Variants in TNRC6A observed in about 807,000 individuals in gnomAD.
TNRC6A encodes trinucleotide repeat containing adaptor 6A, also known as trinucleotide repeat-containing gene 6A protein.
Under a neutral mutation model 221.2 loss-of-function variants are expected in TNRC6A, and 44 were observed. The ratio of observed to expected loss-of-function variants is 0.20; its 90% CI spans 0.16 to 0.26. The LOEUF is 0.26. TNRC6A is among the 10% of genes least tolerant of loss of function. The pLI is 1.00. For synonymous variants in TNRC6A, 847 were observed against 838.5 expected (o/e 1.01, Z -0.18); for missense variants, 2,199 against 2,404.4 (o/e 0.91, Z 1.79).
chr16:24,715,543 G>A (rs2056295933), intron 2 of TNRC6A, among the ~76,000 whole-genome samples: 1 of 151,438 alleles, frequency 6.6e-6, no homozygotes, highest in South Asian at 2.1e-4. Context: ...AGCTCTCTGT[G>A]AGTCCCAGAT....
intron 4 of TNRC6A, among the ~76,000 whole-genome samples, chr16:24,769,521 T>C (rs181944578): frequency 2.0e-5 from 3 of 152,124 alleles, no homozygotes; most frequent in African/African-American, 7.2e-5. Flanking sequence ...ATATCTATGT[T>C]TTATCCTAGC....
intron 4 of TNRC6A, among the ~76,000 whole-genome samples, chr16:24,765,223 G>A (rs1176658747): frequency 2.6e-5 from 4 of 152,042 alleles, no homozygotes; most frequent in Admixed American, 2.0e-4. Context: ...GCTTCATAGG[G>A]GTTACTGTAC....
chr16:24,820,228 C>G lies in TNRC6A; in HGVS notation c.5170C>G (p.Pro1724Ala), dbSNP rs1345260914. The G allele has an allele frequency of 6.2e-7, 1 of 1,614,178 alleles. No individual in the cohort carries two copies. Among genetic ancestry groups the G allele is most frequent in the Non-Finnish European group, 8.5e-7 (1 of 1,180,042 alleles). The change falls in exon 22 of 25, where the codon CCT becomes GCT. Residue 1724 changes from proline to alanine, a missense_variant. Pro to Ala is a conservative substitution (Grantham distance 27). This residue lies in a region of TNRC6A where 449 missense variants were observed against 579.7 expected (regional missense o/e 0.77). Transcript: ENST00000395799. ...TGAGCTGTGGAAGGTCCCTTTGCCA[C>G]CTAAAAACATCACTGCTCCGTCCCG... ...AHELWKVPLP[P>A]KNITAPSRPP...
chr16:24,736,357 A>G (rs2056767232), intron 2 of TNRC6A, among the ~76,000 whole-genome samples: 1 of 152,190 alleles, frequency 6.6e-6, no homozygotes, highest in African/African-American at 2.4e-5. Flanking sequence ...CAGCAATCAA[A>G]TGATCACCCA....
chr16:24,689,794 A>C (rs893146073), intron 2 of TNRC6A, among the ~76,000 whole-genome samples: 2 of 152,016 alleles, frequency 1.3e-5, no homozygotes, highest in Admixed American at 1.3e-4. Flanking sequence ...CTTGTTGCCT[A>C]GGCTAAAATG....
chr16:24,770,192 G>A (rs866572032), intron 4 of TNRC6A, among the ~76,000 whole-genome samples: 80 of 152,314 alleles, frequency 5.3e-4, no homozygotes, highest in African/African-American at 1.9e-3. Flanking sequence ...AACGTGATAC[G>A]TTTTGGGGAA....
At chr16:24,610,335 A>G (rs1899987637) in exon 1 of TNRC6A, 1 of 152,240 alleles carries the variant, frequency 6.6e-6, no homozygotes. Context: ...GGCTCTCCCC[A>G]TCGCTGGGTT....
At chr16:24,713,429 C>CAA (rs2056246133) in intron 2 of TNRC6A, among the ~76,000 whole-genome samples, 2 of 132,006 alleles carry the variant, frequency 1.5e-5, no homozygotes, top group African/African-American at 5.7e-5. Context: ...AACAAACAAA[C>CAA]AAACAAACAA....
intron 2 of TNRC6A, among the ~76,000 whole-genome samples, chr16:24,706,978 T>TA (rs879920540): frequency 0.15 from 19,559 of 126,698 alleles, 2,011 homozygotes; most frequent in East Asian, 0.53. Context: ...TATTTATCTA[T>TA]TTTTATTTAT....
intron 1 of TNRC6A, among the ~76,000 whole-genome samples, chr16:24,640,108 T>C (rs1295538937): frequency 6.6e-6 from 1 of 152,052 alleles, no homozygotes; most frequent in East Asian, 1.9e-4. Context: ...TACAAGATAA[T>C]AGACCAGCCA....
chr16:24,751,525 C>T (rs2057136759), intron 3 of TNRC6A, among the ~76,000 whole-genome samples: 1 of 151,856 alleles, frequency 6.6e-6, no homozygotes, highest in Admixed American at 6.6e-5. Flanking sequence ...TTGTTACATA[C>T]CAAACAATTG....
chr16:24,633,044 T>C (rs1901430370), intron 1 of TNRC6A, among the ~76,000 whole-genome samples: 1 of 149,682 alleles, frequency 6.7e-6, no homozygotes, highest in Admixed American at 6.7e-5. Flanking sequence ...CTTCTCAACA[T>C]AGTCTGCAAG....
intron 1 of TNRC6A, among the ~76,000 whole-genome samples, chr16:24,640,710 CAA>C (rs35368171): frequency 7.7e-4 from 74 of 95,614 alleles, no homozygotes; most frequent in South Asian, 2.4e-3. Context: ...GCCTGGGCGA[CAA>C]AAAAAAAAAA....
At chr16:24,688,972 G>A (rs909562614) in intron 2 of TNRC6A, among the ~76,000 whole-genome samples, 2 of 152,228 alleles carry the variant, frequency 1.3e-5, no homozygotes, top group Non-Finnish European at 2.9e-5. Flanking sequence ...AGGCCGACGC[G>A]GGAGGATCTC....
At chr16:24,614,716 G>A (rs375746354) in intron 1 of TNRC6A, among the ~76,000 whole-genome samples, 11 of 152,290 alleles carry the variant, frequency 7.2e-5, no homozygotes, top group South Asian at 4.1e-4. Flanking sequence ...ACATGCAAAG[G>A]CCCCCAGGCA....
At chr16:24,644,253 A>AT (rs757304025) in intron 2 of TNRC6A, among the ~76,000 whole-genome samples, 284 of 148,066 alleles carry the variant, frequency 1.9e-3, no homozygotes, top group Non-Finnish European at 2.7e-3. Context: ...CGCCCAGCTA[A>AT]TTTTTTTTTG....
chr16:24,819,363 A>G (rs1017948975), intron 21 of TNRC6A, among the ~76,000 whole-genome samples: 1 of 152,166 alleles, frequency 6.6e-6, no homozygotes, highest in Admixed American at 6.5e-5. Flanking sequence ...TGGTCCCTGC[A>G]TACCCACTCA....
chr16:24,789,113 G>A, intron 5 of TNRC6A, 119 bp from the exon 6 acceptor site: 1 of 1,026,888 alleles, frequency 9.7e-7, no homozygotes, highest in Non-Finnish European at 1.4e-6. Flanking sequence ...AAGGATCATA[G>A]CTTGTTAAAT....
chr16:24,680,486 G>A (rs12444021), intron 2 of TNRC6A, among the ~76,000 whole-genome samples: 27,246 of 151,414 alleles, frequency 0.18, 2,904 homozygotes, highest in South Asian at 0.27. Context: ...TTGGGAGGTC[G>A]AGGCAGGCAG....
Sources: gnomAD v4.1 joint callset for allele counts (sites outside exome capture counted in the v4.1 genomes callset) on GRCh38, gnomAD v4.1.1 for gene constraint, gnomAD v4.1.1 regional missense constraint, MANE v1.5 for transcripts, NCBI Gene and HGNC (gene_info 2026-07-23, HGNC 2026-07-21) for gene names.